The following RPTOR variants were observed in gnomAD, a reference collection of about 807,000 sequenced individuals.
The protein encoded by RPTOR is regulatory associated protein of MTOR complex 1, also known as regulatory-associated protein of mTOR.
Under a neutral mutation model 169.9 loss-of-function variants are expected in RPTOR, and 21 were observed. The ratio of observed to expected loss-of-function variants is 0.12; its 90% confidence interval spans 0.09 to 0.18. The LOEUF is 0.18. Ranked by LOEUF, RPTOR falls within the 10% of genes least tolerant of loss-of-function variation. The pLI is 1.00. For missense variants in RPTOR, 1,133 were observed against 1,855.9 expected (o/e 0.61, Z 7.16); for synonymous variants, 732 against 753.2 (o/e 0.97, Z 0.46).
chr17:80,886,445 T>A (rs2068247378), intron 17 of RPTOR, among the ~76,000 whole-genome samples: 1 of 152,378 alleles, frequency 6.6e-6, no homozygotes, highest in South Asian at 2.1e-4. Flanking sequence ...TGGCTTCTTT[T>A]GGCCCCTGCT....
chr17:80,816,210 G>C (rs997387160), intron 7 of RPTOR, among the ~76,000 whole-genome samples: 6 of 152,270 alleles, frequency 3.9e-5, no homozygotes, highest in Non-Finnish European at 7.3e-5. Flanking sequence ...AGCCTGTGTA[G>C]CGTGAGCCAG....
intron 11 of RPTOR, among the ~76,000 whole-genome samples, chr17:80,853,866 A>G (rs920406661): frequency 1.3e-5 from 2 of 152,168 alleles, no homozygotes; most frequent in Non-Finnish European, 2.9e-5. Flanking sequence ...TTGTAGTCTT[A>G]ACTACTCAGG....
chr17:80,752,951 T>G (rs1455331340), intron 5 of RPTOR, among the ~76,000 whole-genome samples: 6 of 150,606 alleles, frequency 4.0e-5, no homozygotes, highest in Admixed American at 2.7e-4. Context: ...CACTGTGATA[T>G]CAGCTTCACA....
At chr17:80,841,517 A>G (rs1441690297) in intron 10 of RPTOR, among the ~76,000 whole-genome samples, 2 of 55,884 alleles carry the variant, frequency 3.6e-5, no homozygotes, top group African/African-American at 7.3e-5. Flanking sequence ...AGCTCACACC[A>G]CACGGCAGCT....
At chr17:80,706,539 A>G (rs2066143401) in intron 3 of RPTOR, among the ~76,000 whole-genome samples, 1 of 152,166 alleles carries the variant, frequency 6.6e-6, no homozygotes, top group Non-Finnish European at 1.5e-5. Context: ...ACTGTTCTCA[A>G]GCAAGCCAAG....
chr17:80,626,423 A>G (rs2065394776), intron 2 of RPTOR, among the ~76,000 whole-genome samples: 1 of 152,086 alleles, frequency 6.6e-6, no homozygotes, highest in South Asian at 2.1e-4. Flanking sequence ...TAAAAAAAAA[A>G]TGGAATGACT....
At chr17:80,905,660 G>A (rs1025839191) in intron 20 of RPTOR, among the ~76,000 whole-genome samples, 11 of 150,574 alleles carry the variant, frequency 7.3e-5, no homozygotes, top group African/African-American at 1.7e-4. Flanking sequence ...CCCCCACCCC[G>A]CCCTGCACAT....
intron 3 of RPTOR, among the ~76,000 whole-genome samples, chr17:80,690,824 T>C (rs931253546): frequency 3.2e-4 from 49 of 152,178 alleles, no homozygotes; most frequent in Non-Finnish European, 2.2e-4. Context: ...ACAGGGGATC[T>C]CACTTGGCCA....
rs375948591 is a variant in RPTOR, at chr17:80,654,180, A to G, written c.348+10370A>G. 6.7e-4 allele frequency among the ~76,000 whole-genome samples: 102 copies of G among 152,278 alleles called. 3 individuals are homozygous for G. In the South Asian group the frequency reaches 0.021, roughly 31 times the overall value. ...GGTGGCCCCTAGGCCAGGGGGTCGC[A>G]CCCTCACTTTGGGCTACAGTAGAAG... On this transcript the variant is annotated intron_variant, in intron 3 of 33. Coordinates refer to ENST00000306801, the MANE Select transcript of RPTOR (RefSeq NM_020761.3).
intron 3 of RPTOR, among the ~76,000 whole-genome samples, chr17:80,689,461 T>A (rs1430780114): frequency 4.6e-5 from 7 of 152,230 alleles, no homozygotes; most frequent in Admixed American, 2.0e-4. Context: ...CTTACGCATG[T>A]GGTCAGAGGA....
intron 1 of RPTOR, among the ~76,000 whole-genome samples, chr17:80,551,351 C>T (rs1053856578): frequency 6.6e-6 from 1 of 152,100 alleles, no homozygotes; most frequent in Non-Finnish European, 1.5e-5. Context: ...TATGGAGGAT[C>T]CCGCCAGCCT....
rs1463255618 is a variant in RPTOR, at chr17:80,947,214, T to C, written c.3141-13T>C. 5 of 1,576,260 alleles carry C rather than the reference T, an allele frequency of 3.2e-6. No homozygotes were observed. Among genetic ancestry groups the C allele is most frequent in the Non-Finnish European group, 3.4e-6 (4 of 1,165,618 alleles). On this transcript the variant is annotated splice_polypyrimidine_tract_variant and intron_variant, in intron 26 of 33. Coordinates refer to ENST00000306801, the MANE Select transcript of RPTOR (RefSeq NM_020761.3). This position sits in a 1 kb window ranked among gnomAD's most constrained non-coding sequence, Gnocchi z 4.4. ...TCCTAATGACTTTTTTATTCCTCTC[T>C]TCTTCCCTTAAGCTTTTGGGACTGG...
intron 4 of RPTOR, among the ~76,000 whole-genome samples, chr17:80,720,056 C>G (rs1023107126): frequency 3.3e-5 from 5 of 152,134 alleles, no homozygotes; most frequent in African/African-American, 1.2e-4. Context: ...AATCCCAACA[C>G]TTTGGGAGGC....
At chr17:80,814,708 C>T (rs182496667) in intron 7 of RPTOR, among the ~76,000 whole-genome samples, 319 of 152,256 alleles carry the variant, frequency 2.1e-3, no homozygotes, top group Admixed American at 4.3e-3. Context: ...GTTCTGTATT[C>T]GACTTTCACG....
rs910134217 is a variant in RPTOR at position 80,840,414 on chromosome 17, C to T, written c.1212+2417C>T. 5.1e-4 allele frequency among the ~76,000 whole-genome samples: 73 copies of T among 143,062 alleles called. 1 individual carries two copies. Among genetic ancestry groups the T allele is most frequent in the African/African-American group, 1.7e-3 (64 of 37,166 alleles). 93.9% of individuals were successfully genotyped at this position (143,062 alleles called of 152,430 possible). ...TCACTGCATGGCAGCTCACATTCAC[C>T]GCATGGCAGCTCACTCTCACCACAC... On this transcript the variant is annotated intron_variant, in intron 10 of 33. Coordinates refer to ENST00000306801, the MANE Select transcript of RPTOR (RefSeq NM_020761.3).
intron 20 of RPTOR, among the ~76,000 whole-genome samples, chr17:80,894,191 C>T (rs1456172564): frequency 6.6e-6 from 1 of 152,106 alleles, no homozygotes; most frequent in Non-Finnish European, 1.5e-5. Flanking sequence ...TGCTGGACAC[C>T]CTGGTGATGC....
At chr17:80,914,352 GCAGGAA>G (rs1355334861) in intron 21 of RPTOR, among the ~76,000 whole-genome samples, 1 of 152,170 alleles carries the variant, frequency 6.6e-6, no homozygotes, top group East Asian at 1.9e-4. Flanking sequence ...CCGGGAGCAG[GCAGGAA>G]CCCCACCCTC....
At position 80,866,973 on chromosome 17, in the gene RPTOR, C is replaced by T. The variant is rs371350849; in HGVS notation, c.1509+9073C>T. Reference sequence around the variant, plus strand: ...GAATTTTACTGAACATTAAGGAAGACGTATTTGGATGACATCTAAGCACCT... The same window carrying T: ...GAATTTTACTGAACATTAAGGAAGATGTATTTGGATGACATCTAAGCACCT... On this transcript the variant is annotated intron_variant, in intron 13 of 33. Transcript: ENST00000306801. 9.9e-5 allele frequency among the ~76,000 whole-genome samples: 15 copies of T among 152,256 alleles called. No individual in the cohort carries two copies. In the East Asian group the frequency reaches 2.3e-3, roughly 23 times the overall value.
chr17:80,807,489 T>C lies in RPTOR; in HGVS notation c.891-14712T>C, dbSNP rs1351038795. 2.6e-5 allele frequency among the ~76,000 whole-genome samples: 4 copies of C among 152,284 alleles called. No homozygotes were observed. The East Asian group carries it at 7.7e-4, about 29-fold the overall frequency. On this transcript the variant is annotated intron_variant, in intron 7 of 33. Coordinates refer to ENST00000306801, the MANE Select transcript of RPTOR (RefSeq NM_020761.3). ...CGTCAGACTTCCAAGTAGCTGGGAT[T>C]ACAGGCACACACCACCACACCTGGC...
Sources: allele counts gnomAD v4.1 joint callset (sites outside exome capture counted in the v4.1 genomes callset), GRCh38; gene constraint gnomAD v4.1.1; non-coding constraint Gnocchi (gnomAD v3.1); transcripts MANE v1.5; gene names NCBI Gene and HGNC (gene_info 2026-07-23, HGNC 2026-07-21).